MAST4: variants seen among roughly 807,000 people sequenced by gnomAD.
The protein encoded by MAST4 is microtubule associated serine/threonine kinase family member 4, also known as microtubule-associated serine/threonine-protein kinase 4.
MAST4 carries 89 observed loss-of-function variants against 162.7 expected under a neutral mutation model. That is an observed-to-expected ratio of 0.55 (90% CI 0.46 to 0.65). The LOEUF is 0.65. Ranked by LOEUF, MAST4 falls within the 30% of genes least tolerant of loss-of-function variation. The pLI, the probability that MAST4 is intolerant of heterozygous loss-of-function variation, is 0.00. For synonymous variants in MAST4, 1,479 were observed against 1,361.1 expected, an observed-to-expected ratio of 1.09 and a Z score of -1.91; for missense variants, 3,153 against 3,374.0, an observed-to-expected ratio of 0.93 and a Z score of 1.62.
intron 4 of MAST4, among the ~76,000 whole-genome samples, chr5:66,933,950 C>CTG (rs1742445265): frequency 6.6e-6 from 1 of 152,054 alleles, no homozygotes; most frequent in Non-Finnish European, 1.5e-5. Flanking sequence ...CCTCAGCCTC[C>CTG]TGAGTAGCTG....
At chr5:66,639,487 A>T (rs1233681998) in intron 1 of MAST4, among the ~76,000 whole-genome samples, 3 of 152,252 alleles carry the variant, frequency 2.0e-5, no homozygotes, top group African/African-American at 7.2e-5. Context: ...ACAAATGCAC[A>T]TAACTATATT....
chr5:66,702,320 C>T (rs1215905643), intron 1 of MAST4, among the ~76,000 whole-genome samples: 1 of 152,290 alleles, frequency 6.6e-6, no homozygotes, highest in South Asian at 2.1e-4. Context: ...TACGGGCAGG[C>T]TCCATTCCAG....
intron 3 of MAST4, among the ~76,000 whole-genome samples, chr5:66,811,618 C>T (rs995421312): frequency 1.3e-5 from 2 of 152,276 alleles, no homozygotes; most frequent in South Asian, 2.1e-4. Context: ...GGTAGGTTAA[C>T]ATCTGTTATC....
At chr5:67,097,202 A>G (rs981095178) in intron 7 of MAST4, among the ~76,000 whole-genome samples, 1 of 152,114 alleles carries the variant, frequency 6.6e-6, no homozygotes, top group Non-Finnish European at 1.5e-5. Flanking sequence ...GTGAATCCAT[A>G]AAAAAAGGTG....
intron 1 of MAST4, among the ~76,000 whole-genome samples, chr5:66,750,328 A>T (rs1753056180): frequency 6.6e-6 from 1 of 152,232 alleles, no homozygotes; most frequent in African/African-American, 2.4e-5. Context: ...TCAGGTCTAC[A>T]GCTCCCAGCG....
At chr5:66,840,727 A>G (rs1255382905) in intron 3 of MAST4, among the ~76,000 whole-genome samples, 3 of 152,178 alleles carry the variant, frequency 2.0e-5, no homozygotes, top group Non-Finnish European at 2.9e-5. Context: ...CTTGAGAAGA[A>G]TATACCCAGG....
At chr5:67,070,834 A>G (rs1760869670) in intron 5 of MAST4, among the ~76,000 whole-genome samples, 1 of 152,186 alleles carries the variant, frequency 6.6e-6, no homozygotes, top group African/African-American at 2.4e-5. Flanking sequence ...ATACCCTGAC[A>G]TCAGAGACTT....
intron 3 of MAST4, among the ~76,000 whole-genome samples, chr5:66,832,836 C>T (rs1036828710): frequency 6.6e-6 from 1 of 152,140 alleles, no homozygotes; most frequent in Non-Finnish European, 1.5e-5. Context: ...GGATAAAGCA[C>T]TTTTGTTCTT....
intron 15 of MAST4, among the ~76,000 whole-genome samples, chr5:67,131,433 C>T (rs961105435): frequency 6.6e-6 from 1 of 151,936 alleles, no homozygotes; most frequent in Non-Finnish European, 1.5e-5. Flanking sequence ...GAGTCGTTTG[C>T]CTAGGATGTC....
Position 67,165,168 on chromosome 5 carries a change from T to C in MAST4, c.5989T>C (p.Ser1997Pro). Residue 1997 changes from serine to proline, a missense_variant, in exon 29 of 29, where the codon TCC (serine) becomes CCC (proline). Transcript: ENST00000403625. ...AARADTCREPSMELCFPETAK... is the reference protein window; with the variant it reads ...AARADTCREPPMELCFPETAK... ...GAGGGCTGACACATGCAGAGAGCCC[T>C]CCATGGAACTGTGCTTTCCAGAAAC... 1 of 1,602,110 alleles carries C rather than the reference T, an allele frequency of 6.2e-7. No individual in the cohort carries two copies. The highest frequency in any genetic ancestry group is 8.5e-7 in the Non-Finnish European group (1 of 1,174,182).
chr5:67,146,848 C>T (rs1771149156), intron 23 of MAST4, among the ~76,000 whole-genome samples: 1 of 152,142 alleles, frequency 6.6e-6, no homozygotes, highest in Admixed American at 6.6e-5. Context: ...GATGCCTGAC[C>T]ATCTCTAGTT....
At chr5:66,868,261 A>C (rs953181064) in intron 3 of MAST4, among the ~76,000 whole-genome samples, 3 of 151,982 alleles carry the variant, frequency 2.0e-5, no homozygotes, top group African/African-American at 7.3e-5. Flanking sequence ...AAAGAAAAAT[A>C]TTTTCAGGTA....
At chr5:66,798,537 A>AT (rs1240402166) in intron 3 of MAST4, among the ~76,000 whole-genome samples, 1 of 152,132 alleles carries the variant, frequency 6.6e-6, no homozygotes, top group Non-Finnish European at 1.5e-5. Context: ...TTCCAAGATG[A>AT]TTCACCAACA....
At chr5:66,604,276 G>A (rs1742737169) in intron 1 of MAST4, among the ~76,000 whole-genome samples, 1 of 152,174 alleles carries the variant, frequency 6.6e-6, no homozygotes, top group Non-Finnish European at 1.5e-5. Context: ...ACATGTCTGT[G>A]AGACAGCTTA....
chr5:66,882,323 C>CT (rs71610535), intron 3 of MAST4, among the ~76,000 whole-genome samples: 2,909 of 152,212 alleles, frequency 0.019, 55 homozygotes, highest in South Asian at 0.053. Context: ...TTAAATACAT[C>CT]TTTAAACCAC....
chr5:67,163,081 C>T lies in MAST4; in HGVS notation c.3968-66C>T, dbSNP rs1042838205. 3.9e-6 allele frequency: 6 copies of T among 1,520,924 alleles called. No individual in the cohort carries two copies. The South Asian group carries it at 6.2e-5, about 16-fold the overall frequency. The allele number at this position is 1,520,924 out of a possible 1,614,324, so 94.2% of individuals were successfully genotyped here. A position where few individuals can be genotyped will look rare whatever the true frequency, so the allele number is the denominator to read the frequency against. On this transcript the variant is annotated intron_variant, in intron 28 of 28. Coordinates refer to ENST00000403625, the MANE Select transcript of MAST4 (RefSeq NM_001164664.2). This position sits in a 1 kb window ranked among gnomAD's most constrained non-coding sequence, Gnocchi z 7.0. ...CTGGCCTTACCTAATACAGTCTGGG[C>T]TACAACTGTGAAAAAAAGGGGAAAA...
intron 1 of MAST4, among the ~76,000 whole-genome samples, chr5:66,644,731 A>C (rs926528007): frequency 4.0e-5 from 6 of 150,908 alleles, no homozygotes; most frequent in Admixed American, 3.3e-4. Context: ...TGTTTTGGAC[A>C]GCTACATTTG....
At position 67,094,891 on chromosome 5, in the gene MAST4, A is replaced by T. The variant is rs1004252360; in HGVS notation, c.834-706A>T. Among the ~76,000 whole-genome samples the T allele has an allele frequency of 5.9e-5, 9 of 152,258 alleles. No individual in the cohort carries two copies. The East Asian group carries it at 1.4e-3, about 23-fold the overall frequency. ...AACTTTACTCTTTGCATTAAGTTCT[A>T]TCACTGGTGGAGAAGGTTTCACTCT... is the stretch of plus-strand genomic sequence containing the variant. On this transcript the variant is annotated intron_variant, in intron 6 of 28. Coordinates refer to ENST00000403625, the MANE Select transcript of MAST4 (RefSeq NM_001164664.2).
chr5:66,692,383 T>C (rs1749099368), intron 1 of MAST4, among the ~76,000 whole-genome samples: 1 of 150,952 alleles, frequency 6.6e-6, no homozygotes, highest in African/African-American at 2.4e-5. Flanking sequence ...TTCACCTCTC[T>C]TTTGATGAGT....
Sources: allele counts gnomAD v4.1 joint callset (sites outside exome capture counted in the v4.1 genomes callset), GRCh38; gene constraint gnomAD v4.1.1; non-coding constraint Gnocchi (gnomAD v3.1); transcripts MANE v1.5; gene names NCBI Gene and HGNC (gene_info 2026-07-23, HGNC 2026-07-21).